TENM3: variants seen among roughly 807,000 people sequenced by gnomAD.
TENM3 encodes the protein teneurin transmembrane protein 3, also known as teneurin-3.
A neutral mutation model predicts 255.1 loss-of-function variants in TENM3; 63 were observed. That is an observed-to-expected ratio of 0.25 (90% CI 0.20 to 0.30). The LOEUF is 0.30. Among genes scored for constraint, TENM3 ranks in the 10% least tolerant of loss-of-function variants. The probability of loss-of-function intolerance (pLI) is 1.00; values close to 1 mark genes in which losing one functional copy is unlikely to be tolerated. For missense variants in TENM3, 2,929 were observed against 3,461.1 expected (o/e 0.85, Z 3.86); for synonymous variants, 1,306 against 1,322.3 (o/e 0.99, Z 0.27).
chr4:181,760,643 T>C, the TENM3 span, among the ~76,000 whole-genome samples: 2 of 152,150 alleles, frequency 1.3e-5, no homozygotes, highest in Non-Finnish European at 1.5e-5. Flanking sequence ...TAGGGCTTCC[T>C]AGTCACTTTG....
At chr4:182,182,233 A>G (rs976794173) in intron 1 of TENM3, among the ~76,000 whole-genome samples, 7 of 152,238 alleles carry the variant, frequency 4.6e-5, no homozygotes, top group African/African-American at 1.7e-4. Flanking sequence ...TTTTTCAAGA[A>G]TCTCTTCTAT....
At chr4:182,306,757 G>A (rs1225817986) in intron 1 of TENM3, among the ~76,000 whole-genome samples, 1 of 152,114 alleles carries the variant, frequency 6.6e-6, no homozygotes, top group African/African-American at 2.4e-5. Context: ...ATACTAGAAA[G>A]GTTCTGTAGA....
chr4:182,329,205 G>T (rs1763606112), intron 2 of TENM3, among the ~76,000 whole-genome samples: 1 of 152,180 alleles, frequency 6.6e-6, no homozygotes, highest in South Asian at 2.1e-4. Context: ...GGACCAAGCT[G>T]GCGCAAGTGT....
intron 3 of TENM3, among the ~76,000 whole-genome samples, chr4:182,561,344 C>T (rs979260471): frequency 4.7e-5 from 7 of 150,304 alleles, no homozygotes; most frequent in Admixed American, 1.3e-4. Flanking sequence ...AAAATCCCTC[C>T]GAATATAGAA....
chr4:182,173,259 G>A (rs1046933516), intron 1 of TENM3, among the ~76,000 whole-genome samples: 2 of 152,288 alleles, frequency 1.3e-5, no homozygotes, highest in Non-Finnish European at 2.9e-5. Flanking sequence ...AAGTGATCAA[G>A]ACAGACCTTG....
intron 1 of TENM3, among the ~76,000 whole-genome samples, chr4:182,260,961 T>A (rs1166672819): frequency 1.3e-5 from 2 of 152,144 alleles, no homozygotes; most frequent in African/African-American, 4.8e-5. Flanking sequence ...CTGCAACCTC[T>A]GCCTCCCGGG....
At chr4:181,811,042 A>G in the TENM3 span, among the ~76,000 whole-genome samples, 1 of 152,196 alleles carries the variant, frequency 6.6e-6, no homozygotes, top group Non-Finnish European at 1.5e-5. Context: ...CAGAAGCAGC[A>G]TATGGAGAGA....
At chr4:181,730,334 C>T in the TENM3 span, among the ~76,000 whole-genome samples, 1 of 152,178 alleles carries the variant, frequency 6.6e-6, no homozygotes, top group East Asian at 1.9e-4. Flanking sequence ...CCAGAAGGAA[C>T]GCTTGCAATG....
At chr4:181,999,043 G>A in the TENM3 span, among the ~76,000 whole-genome samples, 1 of 152,186 alleles carries the variant, frequency 6.6e-6, no homozygotes, top group African/African-American at 2.4e-5. Context: ...TTGAGTGCTA[G>A]TCGCTATTCT....
the TENM3 span, among the ~76,000 whole-genome samples, chr4:181,976,983 A>T: frequency 6.6e-5 from 10 of 152,248 alleles, no homozygotes; most frequent in Admixed American, 5.2e-4. Context: ...CATACACATC[A>T]TCTCTAATTC....
At chr4:181,483,763 A>G in the TENM3 span, among the ~76,000 whole-genome samples, 3 of 152,268 alleles carry the variant, frequency 2.0e-5, no homozygotes, top group East Asian at 3.9e-4. Context: ...CATGTGACTC[A>G]TCTTATTCTA....
chr4:181,481,556 A>G, the TENM3 span, among the ~76,000 whole-genome samples: 1 of 152,190 alleles, frequency 6.6e-6, no homozygotes, highest in Non-Finnish European at 1.5e-5. Context: ...AGTTATTAGT[A>G]TCTCACATTT....
At chr4:182,412,079 A>G (rs1044607071) in intron 3 of TENM3, among the ~76,000 whole-genome samples, 1 of 152,132 alleles carries the variant, frequency 6.6e-6, no homozygotes, top group Non-Finnish European at 1.5e-5. Flanking sequence ...TGAAATCAGC[A>G]GCTGGGTCGT....
chr4:181,863,261 A>T, the TENM3 span, among the ~76,000 whole-genome samples: 9 of 152,166 alleles, frequency 5.9e-5, no homozygotes, highest in African/African-American at 2.2e-4. Flanking sequence ...CCCAACATTC[A>T]TACTTCTTCA....
the TENM3 span, among the ~76,000 whole-genome samples, chr4:182,098,969 T>C: frequency 7.1e-6 from 1 of 140,290 alleles, no homozygotes; most frequent in Non-Finnish European, 1.5e-5. Flanking sequence ...TTTTCTTTTT[T>C]TTTTTTTTTT....
At chr4:181,689,026 C>T in the TENM3 span, among the ~76,000 whole-genome samples, 1 of 152,198 alleles carries the variant, frequency 6.6e-6, no homozygotes, top group Admixed American at 6.5e-5. Context: ...GACATACATA[C>T]ACTTTATCTT....
the TENM3 span, among the ~76,000 whole-genome samples, chr4:181,801,656 ATATATATATATATATATAT>A: frequency 5.8e-5 from 1 of 17,114 alleles, no homozygotes; most frequent in Admixed American, 5.2e-4. Context: ...TGTAAAATAT[ATATATATATATATATATAT>A]ATATATATAT....
chr4:182,639,959 G>A (rs188170326), intron 5 of TENM3, among the ~76,000 whole-genome samples: 1,528 of 152,172 alleles, frequency 0.01, 14 homozygotes, highest in Admixed American at 0.015. Flanking sequence ...GCGTGGTGGC[G>A]CGCACCTGTA....
the TENM3 span, among the ~76,000 whole-genome samples, chr4:182,069,686 A>AACAC: frequency 9.0e-3 from 1,340 of 149,540 alleles, 18 homozygotes; most frequent in African/African-American, 0.028. Flanking sequence ...TAGATGCATA[A>AACAC]ACACACACAC....
Sources: gnomAD v4.1 joint callset for allele counts (sites outside exome capture counted in the v4.1 genomes callset) on GRCh38, gnomAD v4.1.1 for gene constraint, MANE v1.5 for transcripts, NCBI Gene and HGNC (gene_info 2026-07-23, HGNC 2026-07-21) for gene names.